The following PCDHA6 variants were observed in gnomAD, a reference collection of about 807,000 sequenced individuals.
The protein encoded by PCDHA6 is protocadherin alpha 6, also known as protocadherin alpha-6.
Under a neutral mutation model 60.3 loss-of-function variants are expected in PCDHA6, and 55 were observed. The ratio of observed to expected loss-of-function variants is 0.91; its 90% confidence interval spans 0.73 to 1.14. The LOEUF (loss-of-function observed/expected upper bound fraction) is 1.14, where lower values mean the gene tolerates loss of function less well. Among genes scored for constraint, PCDHA6 ranks in the 50% most tolerant of loss-of-function variants. PCDHA6 has a pLI of 0.00. For synonymous variants in PCDHA6, 652 were observed against 557.9 expected (o/e 1.17, Z -2.38); for missense variants, 1,327 against 1,256.5 (o/e 1.06, Z -0.85).
intron 1 of PCDHA6, among the ~76,000 whole-genome samples, chr5:140,832,944 A>C (rs1253078122): frequency 6.6e-6 from 1 of 152,194 alleles, no homozygotes; most frequent in African/African-American, 2.4e-5. Flanking sequence ...AGAGTAACTT[A>C]AGTGAGTATA....
chr5:140,967,627 C>T (rs1218869340), intron 1 of PCDHA6: 5 of 1,614,158 alleles, frequency 3.1e-6, no homozygotes, highest in South Asian at 2.2e-5. Context: ...CGGATGAGGG[C>T]TCCAATGGTG....
rs569728778 is a variant in PCDHA6 at position 140,900,297 on chromosome 5, T to G, written c.2394+69812T>G. 1.4e-4 allele frequency among the ~76,000 whole-genome samples: 22 copies of G among 151,920 alleles called. No individual in the cohort carries two copies. In the East Asian group the frequency reaches 4.1e-3, roughly 28 times the overall value. On this transcript the variant is annotated intron_variant, in intron 1 of 3. Transcript: ENST00000529310. Reference sequence around the variant, plus strand: ...TACCACACTTTCTTTTCTGTTTTTTTAGACAGTCTCACTTTTGTCGCCCAG... The same window carrying G: ...TACCACACTTTCTTTTCTGTTTTTTGAGACAGTCTCACTTTTGTCGCCCAG...
At chr5:140,871,250 T>G (rs1412384009) in intron 1 of PCDHA6, 3 of 1,613,976 alleles carry the variant, frequency 1.9e-6, no homozygotes, top group Non-Finnish European at 2.5e-6. Context: ...ACGCTGCTGC[T>G]GTATACGGCG....
Position 140,829,555 on chromosome 5 carries a change from G to A in PCDHA6, c.1464G>A (p.Ala488=). ...SARDADAQEN[A]LVSYSLVERR... is the part of the protein sequence containing the mutation. ...GAGACGCGGACGCGCAGGAGAACGCGCTGGTGTCCTACTCGCTGGTGGAGC... is the reference window on the plus strand; with the variant it reads ...GAGACGCGGACGCGCAGGAGAACGCACTGGTGTCCTACTCGCTGGTGGAGC... Residue 488 remains alanine, a synonymous_variant, in exon 1 of 4, where the codon GCG becomes GCA. Coordinates refer to ENST00000529310, the MANE Select transcript of PCDHA6 (RefSeq NM_018909.4). 1 of 1,612,836 alleles carries A rather than the reference G, an allele frequency of 6.2e-7. No homozygotes were observed. Among genetic ancestry groups the A allele is most frequent in the Non-Finnish European group, 8.5e-7 (1 of 1,179,834 alleles).
chr5:140,871,008 C>A lies in PCDHA6; in HGVS notation c.2394+40523C>A, dbSNP rs782247452. Reference sequence around the variant, plus strand: ...CGGGCGAGATAAGCACAACGCGTGCCCTGGACGAGGCAGACTCGCCGCGCC... The same window carrying A: ...CGGGCGAGATAAGCACAACGCGTGCACTGGACGAGGCAGACTCGCCGCGCC... On this transcript the variant is annotated intron_variant, in intron 1 of 3. Transcript: ENST00000529310. The A allele has an allele frequency of 5.6e-6, 9 of 1,613,284 alleles. No homozygotes were observed. The African/African-American group carries it at 1.1e-4, about 19-fold the overall frequency.
intron 1 of PCDHA6, among the ~76,000 whole-genome samples, chr5:140,971,604 A>G (rs2096487974): frequency 6.6e-6 from 1 of 152,160 alleles, no homozygotes; most frequent in Admixed American, 6.5e-5. Flanking sequence ...TACAGATGGC[A>G]GGAGAGTCCT....
chr5:140,882,071 A>T (rs2058936449), intron 1 of PCDHA6: 4 of 864,074 alleles, frequency 4.6e-6, no homozygotes, highest in Admixed American at 2.9e-5. Context: ...GTTCATGCGC[A>T]TGGTGTCGCT....
intron 1 of PCDHA6, among the ~76,000 whole-genome samples, chr5:140,915,331 T>G (rs1485344164): frequency 6.6e-6 from 1 of 152,184 alleles, no homozygotes; most frequent in Non-Finnish European, 1.5e-5. Context: ...TGTTATAATA[T>G]TCTGTGTTTT....
Position 140,856,043 on chromosome 5 carries a change from G to A in PCDHA6, c.2394+25558G>A. On this transcript the variant is annotated intron_variant, in intron 1 of 3. Coordinates refer to ENST00000529310, the MANE Select transcript of PCDHA6 (RefSeq NM_018909.4). The stretch of plus-strand genomic sequence containing the variant: ...TCGTCGATTTGTAAAACAAGAGAAG[G>A]ATAAGATGGTTTCCAGATGTAGCTG... The A allele has an allele frequency of 3.8e-6, 6 of 1,581,380 alleles. 1 individual carries two copies. The highest frequency in any genetic ancestry group is 5.2e-6 in the Non-Finnish European group (6 of 1,157,972).
chr5:140,928,557 C>G lies in PCDHA6; in HGVS notation c.2395-50392C>G, dbSNP rs556688707. 7 of 1,614,238 alleles carry G rather than the reference C, an allele frequency of 4.3e-6. 1 individual carries two copies. The East Asian group carries it at 1.6e-4, about 36-fold the overall frequency. On this transcript the variant is annotated intron_variant, in intron 1 of 3. Coordinates refer to ENST00000529310, the MANE Select transcript of PCDHA6 (RefSeq NM_018909.4). ...ATAGGAATGACAATTATCCGGTTAT[C>G]TTGTTTCCCTTGCCCAGAAATGGTT...
chr5:140,894,941 C>T (rs2064738715), intron 1 of PCDHA6, among the ~76,000 whole-genome samples: 1 of 152,272 alleles, frequency 6.6e-6, no homozygotes, highest in East Asian at 1.9e-4. Context: ...CAGCTATTGT[C>T]ATGAAATGAT....
At chr5:140,871,289 G>A (rs955449203) in intron 1 of PCDHA6, 1 of 1,613,792 alleles carries the variant, frequency 6.2e-7, no homozygotes, top group African/African-American at 1.3e-5. Context: ...CCCACTGAGG[G>A]CGCGTGCGCG....
At position 140,829,696 on chromosome 5, in the gene PCDHA6, G is replaced by A. The variant is rs2150172625; in HGVS notation, c.1605G>A (p.Val535=). ...HEELELLQFQ[V]SARDAGVPPL... ...AGCTAGAGCTGCTGCAGTTTCAGGT[G>A]AGCGCGCGCGACGCGGGCGTGCCGC... Residue 535 remains valine (V), a synonymous_variant, in exon 1 of 4, where the codon GTG becomes GTA. Transcript: ENST00000529310. The A allele has an allele frequency of 1.2e-6, 2 of 1,613,274 alleles. No individual in the cohort carries two copies. The highest frequency in any genetic ancestry group is 1.7e-6 in the Non-Finnish European group (2 of 1,179,850).
chr5:140,867,114 G>T (rs567577345), intron 1 of PCDHA6: 1 of 152,168 alleles, frequency 6.6e-6, no homozygotes, highest in Admixed American at 6.5e-5. Context: ...TTAACATATT[G>T]TTTTAATTCA....
rs868916626 is a variant in PCDHA6, at chr5:140,946,629, T to C, written c.2395-32320T>C. 3.4e-3 allele frequency among the ~76,000 whole-genome samples: 415 copies of C among 123,330 alleles called. 16 individuals carry two copies. The highest frequency in any genetic ancestry group is 0.017 in the Middle Eastern group (4 of 240). The allele number at this position is 123,330 out of a possible 152,430, so 80.9% of individuals were successfully genotyped here. On this transcript the variant is annotated intron_variant, in intron 1 of 3. Coordinates refer to ENST00000529310, the MANE Select transcript of PCDHA6 (RefSeq NM_018909.4). ...AATGTGAAATATATATATATATATATATACAATGGAATACTCATCAGCCAT... is the reference window on the plus strand; with the variant it reads ...AATGTGAAATATATATATATATATACATACAATGGAATACTCATCAGCCAT...
At chr5:140,989,105 T>A (rs550881823) in intron 3 of PCDHA6, 1 of 152,350 alleles carries the variant, frequency 6.6e-6, no homozygotes, top group Non-Finnish European at 1.5e-5. Context: ...GAAACAACTT[T>A]TGAATATATC....
At chr5:140,904,236 T>G (rs1326424532) in intron 1 of PCDHA6, among the ~76,000 whole-genome samples, 2 of 151,966 alleles carry the variant, frequency 1.3e-5, no homozygotes, top group Non-Finnish European at 2.9e-5. Flanking sequence ...ACTTATGCCT[T>G]TGCATCCTCA....
At chr5:140,882,844 A>G in intron 1 of PCDHA6, 1 of 1,614,248 alleles carries the variant, frequency 6.2e-7, no homozygotes, top group Non-Finnish European at 8.5e-7. Flanking sequence ...TGTCTTCATT[A>G]TCACTTGTAC....
chr5:140,875,741 T>A lies in PCDHA6; in HGVS notation c.2394+45256T>A, dbSNP rs781967971. On this transcript the variant is annotated intron_variant, in intron 1 of 3. Transcript: ENST00000529310. ...GGCATTTTGTTTGTGAATTCTCGGA[T>A]CGACCGCGAGAAGCTGTGCGGGCGG... 1.7e-5 allele frequency: 28 copies of A among 1,614,216 alleles called. No individual in the cohort carries two copies. Among genetic ancestry groups the A allele is most frequent in the Non-Finnish European group, 2.2e-5 (26 of 1,180,032 alleles).
Sources: gnomAD v4.1 joint callset for allele counts (sites outside exome capture counted in the v4.1 genomes callset) on GRCh38, gnomAD v4.1.1 for gene constraint, MANE v1.5 for transcripts, NCBI Gene and HGNC (gene_info 2026-07-23, HGNC 2026-07-21) for gene names.